The following TLK1 variants were observed in gnomAD, a reference collection of about 807,000 sequenced individuals.
TLK1 encodes tousled like kinase 1, also known as serine/threonine-protein kinase tousled-like 1.
TLK1 carries 24 observed loss-of-function variants against 105.3 expected under a neutral mutation model. That is an observed-to-expected ratio of 0.23 (90% CI 0.17 to 0.32). The LOEUF (loss-of-function observed/expected upper bound fraction) is 0.32, where lower values mean the gene tolerates loss of function less well. TLK1 is among the 10% of genes least tolerant of loss of function. The pLI, the probability that TLK1 is intolerant of heterozygous loss-of-function variation, is 1.00. For synonymous variants in TLK1, 321 were observed against 310.4 expected, an observed-to-expected ratio of 1.03 and a Z score of -0.36; for missense variants, 558 against 910.5, an observed-to-expected ratio of 0.61 and a Z score of 4.98.
At chr2:171,201,041 C>T (rs1314292684) in intron 1 of TLK1, among the ~76,000 whole-genome samples, 1 of 151,838 alleles carries the variant, frequency 6.6e-6, no homozygotes, top group Admixed American at 6.6e-5. Context: ...GCTAACATGC[C>T]CAGCTAAGTT....
chr2:171,150,306 G>A (rs1218534305), intron 1 of TLK1, among the ~76,000 whole-genome samples: 12 of 152,042 alleles, frequency 7.9e-5, no homozygotes, highest in African/African-American at 2.2e-4. Flanking sequence ...AAAAAAAGGA[G>A]GCTTTTACTC....
intron 1 of TLK1, among the ~76,000 whole-genome samples, chr2:171,148,926 T>C (rs556830706): frequency 1.7e-4 from 24 of 145,282 alleles, no homozygotes; most frequent in African/African-American, 3.4e-4. Context: ...TGTGTGTGTG[T>C]GCGTGTGCGT....
chr2:171,042,916 G>A (rs1686757607), intron 11 of TLK1, among the ~76,000 whole-genome samples: 1 of 152,072 alleles, frequency 6.6e-6, no homozygotes, highest in Non-Finnish European at 1.5e-5. Flanking sequence ...TGAGGATAAA[G>A]TGAGAAATAA....
At chr2:171,204,908 G>A (rs945074670) in intron 1 of TLK1, among the ~76,000 whole-genome samples, 4 of 151,378 alleles carry the variant, frequency 2.6e-5, no homozygotes, top group Admixed American at 1.3e-4. Context: ...CGGTCAGAGC[G>A]TGCCACTGCA....
chr2:170,996,504 T>C, intron 20 of TLK1, 149 bp downstream of exon 20: 1 of 526,972 alleles, frequency 1.9e-6, no homozygotes, highest in Non-Finnish European at 3.3e-6. Flanking sequence ...CAACTCCTTC[T>C]CTGAAAGTAA....
At chr2:171,202,168 G>A (rs1016799595) in intron 1 of TLK1, among the ~76,000 whole-genome samples, 5 of 152,138 alleles carry the variant, frequency 3.3e-5, no homozygotes, top group East Asian at 1.9e-4. Flanking sequence ...AGAATTTCCC[G>A]GCTCAGGCCG....
chr2:171,081,418 T>C (rs1367812469), intron 3 of TLK1, among the ~76,000 whole-genome samples: 2 of 152,288 alleles, frequency 1.3e-5, no homozygotes, highest in South Asian at 2.1e-4. Context: ...CAAATGTCTA[T>C]GAAACAGGAG....
intron 10 of TLK1, among the ~76,000 whole-genome samples, chr2:171,047,136 A>T (rs764696973): frequency 5.3e-5 from 8 of 152,234 alleles, no homozygotes; most frequent in Admixed American, 2.6e-4. Context: ...CAAGAAACTG[A>T]AACAATTTTG....
At chr2:171,165,892 C>T (rs1487481754), upstream of TLK1, among the ~76,000 whole-genome samples, 10 of 152,148 alleles carry the variant, frequency 6.6e-5, no homozygotes, top group Non-Finnish European at 1.3e-4. Context: ...GCCTGGGCAA[C>T]AGAGGGAGAC....
intron 1 of TLK1, among the ~76,000 whole-genome samples, chr2:171,229,133 C>T (rs931097949): frequency 6.6e-6 from 1 of 152,200 alleles, no homozygotes; most frequent in African/African-American, 2.4e-5. Context: ...GTCACATGTT[C>T]TTTTCCAGGA....
Position 171,056,537 on chromosome 2 carries a change from T to C in TLK1, c.483A>G (p.Val161=). 2 of 1,612,444 alleles carry C rather than the reference T, an allele frequency of 1.2e-6. No individual in the cohort carries two copies. The highest frequency in any genetic ancestry group is 8.5e-7 in the Non-Finnish European group (1 of 1,178,962). Residue 161 remains valine, a synonymous_variant, in exon 6 of 21, where the codon GTA becomes GTG. Coordinates refer to ENST00000431350, the MANE Select transcript of TLK1 (RefSeq NM_012290.5). ...AACGGATTGCAGGAGGTATGCCTCT[T>C]ACTGGACTTGAGCCATTTCCACCCT... ...EYQGGNGSSP[V]RGIPPAIRSP... is the part of the protein sequence containing the mutation.
At chr2:171,102,417 A>T (rs1394573737) in intron 2 of TLK1, among the ~76,000 whole-genome samples, 1 of 152,174 alleles carries the variant, frequency 6.6e-6, no homozygotes, top group African/African-American at 2.4e-5. Flanking sequence ...TATATCCTTA[A>T]CTTCTCCCAA....
chr2:171,144,602 G>C (rs937999196), intron 1 of TLK1, among the ~76,000 whole-genome samples: 3 of 151,910 alleles, frequency 2.0e-5, no homozygotes, highest in African/African-American at 7.2e-5. Flanking sequence ...AGAAAAATTA[G>C]AAAATACTTG....
At chr2:171,074,626 CAAAAAAAAA>C (rs372844435) in intron 3 of TLK1, among the ~76,000 whole-genome samples, 2 of 89,950 alleles carry the variant, frequency 2.2e-5, no homozygotes, top group Admixed American at 1.2e-4. Context: ...GACTCTGCCT[CAAAAAAAAA>C]AAAAAAAAAA....
intron 2 of TLK1, among the ~76,000 whole-genome samples, chr2:171,090,175 A>C (rs1362865743): frequency 6.6e-6 from 1 of 152,088 alleles, no homozygotes; most frequent in Non-Finnish European, 1.5e-5. Flanking sequence ...TGTAAGATTT[A>C]TTTCAACTTA....
At chr2:171,001,103 G>A (rs1684345078) in intron 18 of TLK1, among the ~76,000 whole-genome samples, 1 of 152,116 alleles carries the variant, frequency 6.6e-6, no homozygotes, top group Non-Finnish European at 1.5e-5. Flanking sequence ...AACTGGACAC[G>A]GTTTTCTCTT....
In TLK1 at chr2:170,992,325, G is replaced by C. The variant is rs867206095; in HGVS notation, c.*1455C>G. On this transcript the variant is annotated 3_prime_UTR_variant, in exon 21 of 21. Coordinates refer to ENST00000431350, the MANE Select transcript of TLK1 (RefSeq NM_012290.5). ...TGTACAATATTAAAGAGAATCCGTG[G>C]TACGTATAACCTTTTTCTGCAACAT... The C allele has an allele frequency of 6.6e-6, 1 of 152,204 alleles. No homozygotes were observed. Among genetic ancestry groups the C allele is most frequent in the Non-Finnish European group, 1.5e-5 (1 of 67,974 alleles). The allele number at this position is 152,204 out of a possible 1,614,324, so 9.4% of individuals were successfully genotyped here.
chr2:171,044,954 C>T (rs201044090), intron 11 of TLK1, among the ~76,000 whole-genome samples: 1 of 152,040 alleles, frequency 6.6e-6, no homozygotes, highest in African/African-American at 2.4e-5. Context: ...GAAGAGACTA[C>T]GAGGACAGGC....
rs757662712 is a variant in TLK1 at position 171,160,409 on chromosome 2, C to T, written c.20G>A (p.Ser7Asn). 15 of 1,603,184 alleles carry T rather than the reference C, an allele frequency of 9.4e-6. No homozygotes were observed. The highest frequency in any genetic ancestry group is 1.3e-5 in the Non-Finnish European group (15 of 1,175,490). ...AGATGGCGGCCCCTCCAAACTTCCA[C>T]TGCTACTTTGGACACTCATCAAGCT... Reference protein sequence around the residue: MSVQSSSGSLEGPPSWS... With the variant: MSVQSSNGSLEGPPSWS... Residue 7 changes from serine (S) to asparagine (N), a missense_variant, in exon 1 of 21, where the codon AGT becomes AAT. Ser to Asn is a conservative substitution (Grantham distance 46). Transcript: ENST00000431350. The surrounding 1 kb of genome is among the most constrained non-coding windows in gnomAD (Gnocchi z 4.4).
Sources: gnomAD v4.1 joint callset for allele counts (sites outside exome capture counted in the v4.1 genomes callset) on GRCh38, gnomAD v4.1.1 for gene constraint, Gnocchi (gnomAD v3.1) non-coding constraint, MANE v1.5 for transcripts, NCBI Gene and HGNC (gene_info 2026-07-23, HGNC 2026-07-21) for gene names.